CEP68: variants seen among roughly 807,000 people sequenced by gnomAD.
CEP68 encodes the protein centrosomal protein 68.
In CEP68, 26 loss-of-function variants were observed where a neutral mutation model predicts 55.3. The ratio of observed to expected loss-of-function variants is 0.47; its 90% CI spans 0.34 to 0.65. The LOEUF is 0.65. Ranked by LOEUF, CEP68 falls within the 30% of genes least tolerant of loss-of-function variation. CEP68 has a pLI of 0.01. For synonymous variants in CEP68, 402 were observed against 383.2 expected (o/e 1.05, Z -0.57); for missense variants, 957 against 946.7 (o/e 1.01, Z -0.14).
rs774091998 is a variant in CEP68, at chr2:65,071,709, A to T, written c.613A>T (p.Ser205Cys). ...SCSISASSTG[S>C]SLQGHQERAE... Reference sequence around the variant, plus strand: ...CAGCATCTCTGCTTCCTCCACAGGCAGCAGTCTCCAGGGTCACCAGGAGAG... The same window carrying T: ...CAGCATCTCTGCTTCCTCCACAGGCTGCAGTCTCCAGGGTCACCAGGAGAG... Residue 205 changes from serine to cysteine, a missense_variant, in exon 3 of 7, where the codon AGC (serine) becomes TGC (cysteine). Coordinates refer to ENST00000377990, the MANE Select transcript of CEP68 (RefSeq NM_015147.3). 1.1e-5 allele frequency: 17 copies of T among 1,613,960 alleles called. No individual in the cohort carries two copies. Among genetic ancestry groups the T allele is most frequent in the Non-Finnish European group, 1.4e-5 (17 of 1,180,040 alleles).
intron 1 of CEP68, among the ~76,000 whole-genome samples, chr2:65,059,398 C>G (rs1345548164): frequency 1.3e-5 from 2 of 152,196 alleles, no homozygotes; most frequent in East Asian, 3.8e-4. Context: ...AAATACCTTT[C>G]CCCTCCTCAC....
intron 5 of CEP68, 65 bp downstream of exon 5, chr2:65,078,029 C>G: frequency 8.4e-7 from 1 of 1,195,038 alleles, no homozygotes; most frequent in Non-Finnish European, 1.2e-6. Flanking sequence ...GCCCAGGGAC[C>G]GCACTATCCC....
In CEP68 at chr2:65,082,854, T is replaced by G. The variant is rs1420183; in HGVS notation, c.*4+145T>G. 1.5e-5 allele frequency: 9 copies of G among 616,024 alleles called. No homozygotes were observed. The African/African-American group carries it at 1.5e-4, about 11-fold the overall frequency. The allele number at this position is 616,024 out of a possible 1,614,324, so 38.2% of individuals were successfully genotyped here. On this transcript the variant is annotated intron_variant, in intron 6 of 6. Coordinates refer to ENST00000377990, the MANE Select transcript of CEP68 (RefSeq NM_015147.3). ...ACAGCCAATGGTACTAAAAAAGGAG[T>G]TGCTGGTCTTCCTATGATGATGAAG...
In CEP68 at chr2:65,086,326, T is replaced by C. The variant is rs960033504; in HGVS notation, c.*2692T>C. ...AGCACCTTATATTTAGAACAAGTGG[T>C]AATTCCCTTTACTAAGTGAACAGAT... is the stretch of plus-strand genomic sequence containing the variant. On this transcript the variant is annotated 3_prime_UTR_variant, in exon 7 of 7. Transcript: ENST00000377990. The C allele has an allele frequency of 6.6e-6, 1 of 152,240 alleles. No individual in the cohort carries two copies. The highest frequency in any genetic ancestry group is 2.4e-5 in the African/African-American group (1 of 41,466). 9.4% of individuals were successfully genotyped at this position (152,240 alleles called of 1,614,324 possible). A position where few individuals can be genotyped will look rare whatever the true frequency, so the allele number is the denominator to read the frequency against.
chr2:65,069,609 A>G lies in CEP68; in HGVS notation c.165A>G (p.Val55=). Residue 55 remains valine (V), a synonymous_variant, in exon 2 of 7, where the codon GTA becomes GTG. Coordinates refer to ENST00000377990, the MANE Select transcript of CEP68 (RefSeq NM_015147.3). ...LEAEGGLISP[V]WGAEGIPAPT... is the part of the protein sequence containing the mutation. ...CTGAGGGAGGGCTCATCTCCCCTGT[A>G]TGGGGGGCAGAAGGGATACCTGCCC... 1.9e-6 allele frequency: 3 copies of G among 1,614,054 alleles called. No individual in the cohort carries two copies. The highest frequency in any genetic ancestry group is 1.7e-6 in the Non-Finnish European group (2 of 1,179,992).
intron 1 of CEP68, among the ~76,000 whole-genome samples, chr2:65,061,976 C>A (rs952763000): frequency 4.6e-5 from 7 of 152,222 alleles, no homozygotes; most frequent in Non-Finnish European, 8.8e-5. Flanking sequence ...GGAGAAAGAG[C>A]AGCATGGAAA....
intron 2 of CEP68, 63 bp downstream of exon 2, chr2:65,069,864 T>G: frequency 7.3e-7 from 1 of 1,370,414 alleles, no homozygotes; most frequent in South Asian, 1.2e-5. Flanking sequence ...TGTTCAGGAT[T>G]TCCTCACCAT....
At position 65,086,485 on chromosome 2, in the gene CEP68, A is replaced by G. The variant is rs1669031139; in HGVS notation, c.*2851A>G. The G allele has an allele frequency of 1.3e-5, 2 of 152,238 alleles. No individual in the cohort carries two copies. Among genetic ancestry groups the G allele is most frequent in the Admixed American group, 6.5e-5 (1 of 15,278 alleles). The allele number at this position is 152,238 out of a possible 1,614,324, so 9.4% of individuals were successfully genotyped here. On this transcript the variant is annotated 3_prime_UTR_variant, in exon 7 of 7. Transcript: ENST00000377990. The stretch of plus-strand genomic sequence containing the variant: ...CTTAAGGCATGCTGAAATTTGTTGT[A>G]AATCCCAATCTTTACTGCCATGGGG...
At chr2:65,078,460 T>G (rs1049448579) in intron 5 of CEP68, among the ~76,000 whole-genome samples, 1 of 152,222 alleles carries the variant, frequency 6.6e-6, no homozygotes, top group Non-Finnish European at 1.5e-5. Context: ...CAGTCTGTCC[T>G]CAGGGAACAG....
Position 65,082,694 on chromosome 2 carries a change from GA to G in CEP68, c.2265del (p.Val757PhefsTer35). On this transcript the variant is annotated frameshift_variant, in exon 6 of 7. Coordinates refer to ENST00000377990, the MANE Select transcript of CEP68 (RefSeq NM_015147.3). LOFTEE classifies it high-confidence loss of function. ...CATGGCGGCAATGGAGCACCCATGTGAAGGGGTTTAACCTGGTAAGTGGAGG... is the reference window on the plus strand; with the variant it reads ...CATGGCGGCAATGGAGCACCCATGTGAGGGGTTTAACCTGGTAAGTGGAGG... ...KPMAAMEHPC[E>X]GV The G allele has an allele frequency of 6.3e-7, 1 of 1,591,834 alleles. No individual in the cohort carries two copies. Among genetic ancestry groups the G allele is most frequent in the Non-Finnish European group, 8.5e-7 (1 of 1,172,754 alleles).
intron 1 of CEP68, among the ~76,000 whole-genome samples, chr2:65,056,955 G>T (rs1265039222): frequency 1.3e-5 from 2 of 152,230 alleles, no homozygotes; most frequent in Non-Finnish European, 2.9e-5. Context: ...CAGCTCCCCA[G>T]TCGGGGCTAA....
At chr2:65,081,508 C>T (rs369501199) in intron 5 of CEP68, among the ~76,000 whole-genome samples, 1 of 152,126 alleles carries the variant, frequency 6.6e-6, no homozygotes, top group East Asian at 1.9e-4. Context: ...AGAGTATAAG[C>T]ACAGCTGATA....
chr2:65,070,104 G>A (rs1676390061), intron 2 of CEP68, among the ~76,000 whole-genome samples: 1 of 152,198 alleles, frequency 6.6e-6, no homozygotes, highest in African/African-American at 2.4e-5. Context: ...CTGGCAAGGA[G>A]AGCCCTGCCG....
intron 6 of CEP68, among the ~76,000 whole-genome samples, chr2:65,083,331 A>C (rs554404684): frequency 6.6e-6 from 1 of 152,350 alleles, no homozygotes; most frequent in East Asian, 1.9e-4. Flanking sequence ...AGTCAAACAG[A>C]ATGACAGAAA....
chr2:65,056,960 G>A (rs1488596055), intron 1 of CEP68, among the ~76,000 whole-genome samples: 1 of 152,238 alleles, frequency 6.6e-6, no homozygotes, highest in African/African-American at 2.4e-5. Context: ...CCCCAGTCGG[G>A]GCTAATGCAG....
At position 65,060,692 on chromosome 2, in the gene CEP68, T is replaced by C. The variant is rs535979384; in HGVS notation, c.-47+4164T>C. On this transcript the variant is annotated intron_variant, in intron 1 of 6. Coordinates refer to ENST00000377990, the MANE Select transcript of CEP68 (RefSeq NM_015147.3). ...GACTTTTGTTATAAGGAAGGTGTTT[T>C]TCTGCTTTGCTCTTTAGTGAGAAAA... 7.2e-5 allele frequency among the ~76,000 whole-genome samples: 11 copies of C among 152,364 alleles called. No individual in the cohort carries two copies. In the South Asian group the frequency reaches 2.3e-3, roughly 32 times the overall value.
At chr2:65,083,465 CAT>C (rs1668930249) in intron 6 of CEP68, among the ~76,000 whole-genome samples, 172 bp from the exon 7 acceptor site, 1 of 152,336 alleles carries the variant, frequency 6.6e-6, no homozygotes, top group Non-Finnish European at 1.5e-5. Flanking sequence ...GTGCTTAACT[CAT>C]AGATTTTCTA....
At chr2:65,065,149 C>T (rs1676104025) in intron 1 of CEP68, among the ~76,000 whole-genome samples, 1 of 152,224 alleles carries the variant, frequency 6.6e-6, no homozygotes, top group Non-Finnish European at 1.5e-5. Flanking sequence ...CTGGCCCTCA[C>T]ATGTGCTGGT....
chr2:65,056,763 G>A (rs1372279494), intron 1 of CEP68, among the ~76,000 whole-genome samples: 1 of 152,098 alleles, frequency 6.6e-6, no homozygotes, highest in African/African-American at 2.4e-5. Flanking sequence ...GCGGAACGGC[G>A]TGTGCTGTGG....
Sources: allele counts gnomAD v4.1 joint callset (sites outside exome capture counted in the v4.1 genomes callset), GRCh38; gene constraint gnomAD v4.1.1; transcripts MANE v1.5; gene names NCBI Gene and HGNC (gene_info 2026-07-23, HGNC 2026-07-21).